Variants in DNER observed in about 807,000 individuals in gnomAD.
DNER encodes the protein delta/notch like EGF repeat containing.
Under a neutral mutation model 78.2 loss-of-function variants are expected in DNER, and 33 were observed. That is an observed-to-expected ratio of 0.42 (90% CI 0.32 to 0.56). DNER has a LOEUF of 0.56. Ranked by LOEUF, DNER falls within the 20% of genes least tolerant of loss-of-function variation. The pLI, the probability that DNER is intolerant of heterozygous loss-of-function variation, is 0.11. For missense variants in DNER, 918 were observed against 975.3 expected, an observed-to-expected ratio of 0.94 and a Z score of 0.78; for synonymous variants, 417 against 384.8, an observed-to-expected ratio of 1.08 and a Z score of -0.98.
At chr2:229,623,248 C>A (rs1332470076) in intron 1 of DNER, among the ~76,000 whole-genome samples, 2 of 152,202 alleles carry the variant, frequency 1.3e-5, no homozygotes, top group East Asian at 3.9e-4. Context: ...TAAGCCCGGG[C>A]TGTTTTTTTC....
chr2:229,584,427 A>G (rs1259926520), intron 4 of DNER, among the ~76,000 whole-genome samples: 3 of 152,204 alleles, frequency 2.0e-5, no homozygotes, highest in African/African-American at 7.2e-5. Flanking sequence ...GCAAGGTGGA[A>G]CATTATGTCA....
At chr2:229,642,785 T>A (rs1301773184) in intron 1 of DNER, among the ~76,000 whole-genome samples, 1 of 152,130 alleles carries the variant, frequency 6.6e-6, no homozygotes, top group Non-Finnish European at 1.5e-5. Flanking sequence ...GGTATAAACA[T>A]CCCCTATAAA....
intron 8 of DNER, among the ~76,000 whole-genome samples, chr2:229,433,791 A>G: frequency 6.6e-6 from 1 of 152,216 alleles, no homozygotes; most frequent in Admixed American, 6.5e-5. Flanking sequence ...ATAGTTTTGT[A>G]AAGATTAAGT....
At chr2:229,559,776 T>C (rs1394033519) in intron 4 of DNER, among the ~76,000 whole-genome samples, 1 of 152,208 alleles carries the variant, frequency 6.6e-6, no homozygotes, top group Non-Finnish European at 1.5e-5. Flanking sequence ...TCCAGGGATC[T>C]GTTAACACCC....
chr2:229,663,354 T>A (rs1699038722), intron 1 of DNER, among the ~76,000 whole-genome samples: 1 of 152,136 alleles, frequency 6.6e-6, no homozygotes, highest in African/African-American at 2.4e-5. Flanking sequence ...CCAAAGCCAA[T>A]TTTTTTCCAT....
Position 229,686,309 on chromosome 2 carries a change from C to T in DNER, c.276+27839G>A, listed in dbSNP as rs530524630. 9.2e-5 allele frequency among the ~76,000 whole-genome samples: 14 copies of T among 152,192 alleles called. No individual in the cohort carries two copies. In the East Asian group the frequency reaches 2.3e-3, roughly 25 times the overall value. On this transcript the variant is annotated intron_variant, in intron 1 of 12. Transcript: ENST00000341772. ...CAGCCCGCACTACCACCGTCACCAC[C>T]GCTGTCACCACTGCCACCCAGTCAA...
chr2:229,603,583 G>A (rs1433657163), intron 1 of DNER, among the ~76,000 whole-genome samples: 2 of 152,102 alleles, frequency 1.3e-5, no homozygotes, highest in Non-Finnish European at 2.9e-5. Flanking sequence ...CAGCAAAAGT[G>A]ACCCATGCTT....
intron 1 of DNER, among the ~76,000 whole-genome samples, chr2:229,681,634 C>T (rs1360400352): frequency 1.3e-5 from 2 of 152,164 alleles, no homozygotes; most frequent in Non-Finnish European, 2.9e-5. Flanking sequence ...TAGTCACCCA[C>T]CTCAGTCCCT....
intron 1 of DNER, among the ~76,000 whole-genome samples, chr2:229,706,745 G>GT (rs979718004): frequency 4.6e-5 from 7 of 151,942 alleles, no homozygotes; most frequent in Non-Finnish European, 8.8e-5. Flanking sequence ...TGCAATGTGA[G>GT]TTTTTTTTAA....
intron 4 of DNER, among the ~76,000 whole-genome samples, chr2:229,547,416 T>G (rs1696649172): frequency 6.6e-6 from 1 of 152,206 alleles, no homozygotes; most frequent in Admixed American, 6.5e-5. Context: ...CTGCTTTGTC[T>G]CTCAATCCCA....
At chr2:229,629,555 C>T (rs1007394276) in intron 1 of DNER, among the ~76,000 whole-genome samples, 2 of 152,142 alleles carry the variant, frequency 1.3e-5, no homozygotes, top group African/African-American at 2.4e-5. Flanking sequence ...TTAAAAGACC[C>T]TTGAGCAATA....
intron 1 of DNER, 148 bp downstream of exon 1, chr2:229,714,000 C>G (rs1253183065): frequency 6.9e-6 from 6 of 867,870 alleles, no homozygotes; most frequent in Non-Finnish European, 9.1e-6. Context: ...CGCGTCCACG[C>G]GGGCCAAGAG....
At chr2:229,476,133 G>T (rs1425666255) in intron 7 of DNER, among the ~76,000 whole-genome samples, 2 of 152,284 alleles carry the variant, frequency 1.3e-5, no homozygotes, top group East Asian at 3.9e-4. Flanking sequence ...GGATGGCTGG[G>T]TGGGCCACAG....
chr2:229,547,328 C>A (rs1460998359), intron 4 of DNER, among the ~76,000 whole-genome samples: 1 of 152,190 alleles, frequency 6.6e-6, no homozygotes, highest in East Asian at 1.9e-4. Flanking sequence ...ACACCTAAGG[C>A]CAAGCAAAAT....
intron 1 of DNER, among the ~76,000 whole-genome samples, chr2:229,684,146 G>GTGT (rs1491220761): frequency 2.3e-5 from 2 of 85,284 alleles, no homozygotes; most frequent in African/African-American, 5.1e-5. Context: ...CTGTGTATGT[G>GTGT]AGAGAGAGAG....
intron 1 of DNER, among the ~76,000 whole-genome samples, chr2:229,670,239 G>A (rs895056688): frequency 6.6e-6 from 1 of 152,212 alleles, no homozygotes; most frequent in South Asian, 2.1e-4. Flanking sequence ...TTCATAGTGG[G>A]AGCTGATTCC....
At chr2:229,467,098 A>G (rs534315133) in intron 7 of DNER, among the ~76,000 whole-genome samples, 1 of 152,316 alleles carries the variant, frequency 6.6e-6, no homozygotes, top group African/African-American at 2.4e-5. Flanking sequence ...AGTGAACAGA[A>G]AGTCCCTTGT....
intron 11 of DNER, among the ~76,000 whole-genome samples, chr2:229,380,990 C>T (rs1036413258): frequency 6.6e-6 from 1 of 151,682 alleles, no homozygotes; most frequent in African/African-American, 2.4e-5. Context: ...GCAAAATGGC[C>T]GAATAGGAAC....
chr2:229,674,349 G>A (rs867678511), intron 1 of DNER, among the ~76,000 whole-genome samples: 1 of 152,188 alleles, frequency 6.6e-6, no homozygotes, highest in Non-Finnish European at 1.5e-5. Context: ...TGCGATCTCG[G>A]CTTACTGCAA....
Sources: gnomAD v4.1 joint callset for allele counts (sites outside exome capture counted in the v4.1 genomes callset) on GRCh38, gnomAD v4.1.1 for gene constraint, MANE v1.5 for transcripts, NCBI Gene and HGNC (gene_info 2026-07-23, HGNC 2026-07-21) for gene names.